Variants in TCF4 observed in about 807,000 individuals in gnomAD.
The protein encoded by TCF4 is SL3-3 enhancer factor 2.
In TCF4, 3 loss-of-function variants were observed where a neutral mutation model predicts 82.1. The ratio of observed to expected loss-of-function variants is 0.04; its 90% CI spans 0.02 to 0.09. The LOEUF (loss-of-function observed/expected upper bound fraction) is 0.09. TCF4 is among the 10% of genes least tolerant of loss of function. TCF4 has a pLI of 1.00. For synonymous variants in TCF4, 276 were observed against 309.6 expected, an observed-to-expected ratio of 0.89 and a Z score of 1.14; for missense variants, 518 against 852.7, an observed-to-expected ratio of 0.61 and a Z score of 4.89.
chr18:55,264,061 A>G (rs995861725), intron 11 of TCF4, among the ~76,000 whole-genome samples: 8 of 152,168 alleles, frequency 5.3e-5, no homozygotes, highest in Non-Finnish European at 1.5e-5. Context: ...ATATTTTAGG[A>G]GCATTTAAAA....
At chr18:55,320,792 CTCT>C (rs1433099892) in intron 8 of TCF4, 1 of 152,406 alleles carries the variant, frequency 6.6e-6, no homozygotes, top group African/African-American at 2.4e-5. Flanking sequence ...ATTTTTGCTC[CTCT>C]ATCACCCAAC....
chr18:55,455,732 G>A (rs1044324462), intron 5 of TCF4, among the ~76,000 whole-genome samples: 5 of 152,124 alleles, frequency 3.3e-5, no homozygotes, highest in African/African-American at 1.2e-4. Flanking sequence ...TCAAATGATT[G>A]CCATTATTGT....
intron 3 of TCF4, among the ~76,000 whole-genome samples, chr18:55,532,526 A>T (rs1385204919): frequency 6.6e-6 from 1 of 152,244 alleles, no homozygotes; most frequent in Non-Finnish European, 1.5e-5. Context: ...ACCACTTCTG[A>T]TAAGTACTGT....
At chr18:55,628,811 G>T (rs1218615107) in intron 2 of TCF4, among the ~76,000 whole-genome samples, 2 of 152,160 alleles carry the variant, frequency 1.3e-5, no homozygotes, top group Non-Finnish European at 2.9e-5. Flanking sequence ...TCTGGTTTAA[G>T]ATAGCAATTT....
At chr18:55,540,096 A>G (rs1188358592) in intron 3 of TCF4, among the ~76,000 whole-genome samples, 1 of 152,100 alleles carries the variant, frequency 6.6e-6, no homozygotes, top group Non-Finnish European at 1.5e-5. Context: ...CATAATATAG[A>G]ATGAGAATTG....
chr18:55,587,747 C>G (rs1423219975), intron 1 of TCF4, among the ~76,000 whole-genome samples: 2 of 151,124 alleles, frequency 1.3e-5, no homozygotes, highest in Non-Finnish European at 3.0e-5. Context: ...AGGGTCGGGT[C>G]CTCTAATTGT....
chr18:55,261,276 G>T, intron 12 of TCF4, 190 bp downstream of exon 12: 1 of 690,712 alleles, frequency 1.4e-6, no homozygotes, highest in Non-Finnish European at 2.6e-6. Flanking sequence ...GAGGATGAGA[G>T]AAAGAGACTA....
chr18:55,404,417 TAAA>T (rs985340022), intron 5 of TCF4: 2 of 152,078 alleles, frequency 1.3e-5, no homozygotes, highest in African/African-American at 4.8e-5. Flanking sequence ...ACCAGAACAT[TAAA>T]AGGGGCTAAA....
At chr18:55,547,385 C>T (rs1357976928) in intron 3 of TCF4, among the ~76,000 whole-genome samples, 1 of 152,100 alleles carries the variant, frequency 6.6e-6, no homozygotes, top group Non-Finnish European at 1.5e-5. Flanking sequence ...TACAATAAAA[C>T]ATTCTGATGG....
Position 55,351,262 on chromosome 18 carries a change from A to G in TCF4, c.370-259T>C, listed in dbSNP as rs576771102. On this transcript the variant is annotated intron_variant, in intron 6 of 19. Coordinates refer to ENST00000354452, the MANE Select transcript of TCF4 (RefSeq NM_001083962.2). ...ATATTTTTTTAAGTCTTTTAAGATG[A>G]CTCACGTTTTCATTTCACAAAACAA... 1.4e-5 allele frequency: 6 copies of G among 416,850 alleles called. No homozygotes were observed. The South Asian group carries it at 1.5e-4, about 10-fold the overall frequency. The allele number at this position is 416,850 out of a possible 1,614,324, so 25.8% of individuals were successfully genotyped here.
rs536420823 is a variant in TCF4 at position 55,367,074 on chromosome 18, T to G, written c.370-16071A>C. On this transcript the variant is annotated intron_variant, in intron 6 of 19. Transcript: ENST00000354452. Reference sequence around the variant, plus strand: ...ACTCACATGGTAGAGATGAAAGTCATCTCCCTTAGGACCCAAGGTGATCTT... The same window carrying G: ...ACTCACATGGTAGAGATGAAAGTCAGCTCCCTTAGGACCCAAGGTGATCTT... Among the ~76,000 whole-genome samples, 7 of 152,292 alleles carry G rather than the reference T, an allele frequency of 4.6e-5. No individual in the cohort carries two copies. In the South Asian group the frequency reaches 1.5e-3, roughly 32 times the overall value.
At chr18:55,572,845 G>C (rs2097487410) in intron 3 of TCF4, among the ~76,000 whole-genome samples, 1 of 152,104 alleles carries the variant, frequency 6.6e-6, no homozygotes, top group Admixed American at 6.5e-5. Context: ...CCTGAGGTCG[G>C]GAGTTCGAGA....
At chr18:55,460,562 G>A (rs1603483435) in intron 5 of TCF4, among the ~76,000 whole-genome samples, 1 of 152,236 alleles carries the variant, frequency 6.6e-6, no homozygotes, top group East Asian at 1.9e-4. Flanking sequence ...GCACTACTCT[G>A]ATTTAAGCAC....
At chr18:55,566,766 T>A (rs1417264192) in intron 3 of TCF4, among the ~76,000 whole-genome samples, 1 of 152,032 alleles carries the variant, frequency 6.6e-6, no homozygotes, top group Non-Finnish European at 1.5e-5. Context: ...CAAGCACACA[T>A]GTAATCGGAA....
chr18:55,365,993 T>C (rs2086972620), intron 6 of TCF4, among the ~76,000 whole-genome samples: 1 of 134,780 alleles, frequency 7.4e-6, no homozygotes. Context: ...GATATAGATA[T>C]AGATATAGAT....
chr18:55,401,361 C>G (rs758173592), intron 6 of TCF4: 16 of 1,123,290 alleles, frequency 1.4e-5, no homozygotes, highest in Non-Finnish European at 1.8e-5. Flanking sequence ...GCAAGACTCA[C>G]AACCATGAAG....
intron 14 of TCF4, among the ~76,000 whole-genome samples, chr18:55,256,004 T>C (rs2056727286): frequency 6.6e-6 from 1 of 152,196 alleles, no homozygotes; most frequent in African/African-American, 2.4e-5. Context: ...CTACCTCCCC[T>C]AGACTGCTAG....
chr18:55,306,404 A>G (rs2070355343), intron 8 of TCF4, among the ~76,000 whole-genome samples: 2 of 152,254 alleles, frequency 1.3e-5, no homozygotes, highest in Non-Finnish European at 2.9e-5. Context: ...GTGGCTAGTT[A>G]AAGAAAGCAA....
intron 11 of TCF4, 51 bp from the exon 12 acceptor site, chr18:55,261,584 A>G: frequency 6.3e-7 from 1 of 1,595,232 alleles, no homozygotes; most frequent in Non-Finnish European, 8.6e-7. Flanking sequence ...GACGTCTAAC[A>G]ATTTTCTATT....
Sources: allele counts gnomAD v4.1 joint callset (sites outside exome capture counted in the v4.1 genomes callset), GRCh38; gene constraint gnomAD v4.1.1; transcripts MANE v1.5; gene names NCBI Gene and HGNC (gene_info 2026-07-23, HGNC 2026-07-21).